Variants in RASA3 observed in about 807,000 individuals in gnomAD.
The protein encoded by RASA3 is ras GTPase-activating protein 3.
Under a neutral mutation model 110.0 loss-of-function variants are expected in RASA3, and 73 were observed. That is an observed-to-expected ratio of 0.66 (90% confidence interval 0.55 to 0.81). The LOEUF is 0.81. Among genes scored for constraint, RASA3 ranks in the 30% least tolerant of loss-of-function variants. The pLI, the probability that RASA3 is intolerant of heterozygous loss-of-function variation, is 0.00. For synonymous variants in RASA3, 500 were observed against 451.4 expected (o/e 1.11, Z -1.37); for missense variants, 976 against 1,113.2 (o/e 0.88, Z 1.75).
intron 7 of RASA3, among the ~76,000 whole-genome samples, chr13:114,025,661 T>C (rs56203123): frequency 0.024 from 3,594 of 152,350 alleles, 140 homozygotes; most frequent in African/African-American, 0.081. Context: ...ACGTGTTGAG[T>C]GAATGAAGGC....
chr13:114,113,041 C>T (rs1302301825), intron 1 of RASA3, among the ~76,000 whole-genome samples: 13 of 152,134 alleles, frequency 8.5e-5, no homozygotes, highest in Admixed American at 6.5e-4. Flanking sequence ...CTGCCATGCA[C>T]GGGAAGCCTT....
chr13:114,009,304 T>C (rs2053581144), intron 17 of RASA3, 83 bp downstream of exon 17: 4 of 1,120,712 alleles, frequency 3.6e-6, no homozygotes, highest in South Asian at 2.5e-5. Context: ...GTCTGTGTCA[T>C]GTGGGTTCTA....
At position 114,059,287 on chromosome 13, in the gene RASA3, C is replaced by T. The variant is rs1184821861; in HGVS notation, c.174-7132G>A. Among the ~76,000 whole-genome samples, 5 of 152,196 alleles carry T rather than the reference C, an allele frequency of 3.3e-5. No homozygotes were observed. In the South Asian group the frequency reaches 1.0e-3, roughly 32 times the overall value. On this transcript the variant is annotated intron_variant, in intron 2 of 23. Coordinates refer to ENST00000334062, the MANE Select transcript of RASA3 (RefSeq NM_007368.4). ...AGCACAGTCCCCAGGTGCAGCTGCT[C>T]CCCCCAACCTAATTCAGGCCCTGGT...
chr13:114,013,428 T>A (rs1216581092), intron 14 of RASA3, among the ~76,000 whole-genome samples, 180 bp from the exon 15 acceptor site: 2 of 115,180 alleles, frequency 1.7e-5, no homozygotes, highest in Non-Finnish European at 3.7e-5. Flanking sequence ...TGTTTCCCTC[T>A]CTCTCTCCAT....
chr13:114,066,667 C>G (rs2079456595), intron 2 of RASA3, among the ~76,000 whole-genome samples: 1 of 152,236 alleles, frequency 6.6e-6, no homozygotes, highest in African/African-American at 2.4e-5. Context: ...TCTCCGCCGG[C>G]TGAGTTCCTG....
chr13:114,100,617 T>C lies in RASA3; in HGVS notation c.56-26780A>G, dbSNP rs370588033. ...CCCTAGCAGTTGGGAAGAAGGCGGC[T>C]GACGTGGCTTCCATGGAAAATGCCA... On this transcript the variant is annotated intron_variant, in intron 1 of 23. Coordinates refer to ENST00000334062, the MANE Select transcript of RASA3 (RefSeq NM_007368.4). Among the ~76,000 whole-genome samples the C allele has an allele frequency of 3.5e-4, 53 of 152,326 alleles. No individual in the cohort carries two copies. In the East Asian group the frequency reaches 9.3e-3, roughly 27 times the overall value.
intron 13 of RASA3, 117 bp downstream of exon 13, chr13:114,016,080 C>G: frequency 5.8e-6 from 5 of 867,922 alleles, no homozygotes; most frequent in Non-Finnish European, 9.4e-6. Flanking sequence ...ATCCCCACGC[C>G]TGGTCCTGCT....
intron 13 of RASA3, among the ~76,000 whole-genome samples, 170 bp from the exon 14 acceptor site, chr13:114,015,502 G>A (rs1234107805): frequency 6.6e-6 from 1 of 152,236 alleles, no homozygotes; most frequent in African/African-American, 2.4e-5. Flanking sequence ...TGTGCTGGGA[G>A]CTGTGGCAAT....
intron 16 of RASA3, among the ~76,000 whole-genome samples, chr13:114,010,065 A>G (rs2053599048): frequency 1.3e-5 from 2 of 151,876 alleles, no homozygotes; most frequent in East Asian, 3.9e-4. Flanking sequence ...AGGAGGCTCA[A>G]GTGCCTGTTA....
Position 114,056,820 on chromosome 13 carries a change from GTTTA to G in RASA3, c.174-4669_174-4666del, listed in dbSNP as rs2079253278. On this transcript the variant is annotated intron_variant, in intron 2 of 23. Coordinates refer to ENST00000334062, the MANE Select transcript of RASA3 (RefSeq NM_007368.4). This position sits in a 1 kb window ranked among gnomAD's most constrained non-coding sequence, Gnocchi z 5.7. ...GTGCCCCTTTCTAAATGTAAAAGCG[GTTTA>G]TAGCAACACAGCATGGCCCTGCTGC... The G allele has an allele frequency of 2.4e-6, 1 of 424,668 alleles. No homozygotes were observed. Among genetic ancestry groups the G allele is most frequent in the Non-Finnish European group, 3.2e-6 (1 of 317,222 alleles). The allele number at this position is 424,668 out of a possible 1,614,324, so 26.3% of individuals were successfully genotyped here.
chr13:114,122,233 C>T (rs1488679113), intron 1 of RASA3, among the ~76,000 whole-genome samples: 1 of 152,240 alleles, frequency 6.6e-6, no homozygotes, highest in Non-Finnish European at 1.5e-5. Flanking sequence ...GAAGGCTGAG[C>T]TTGGCACCTA....
At chr13:114,015,786 C>T (rs2053777337) in intron 13 of RASA3, among the ~76,000 whole-genome samples, 1 of 152,052 alleles carries the variant, frequency 6.6e-6, no homozygotes, top group African/African-American at 2.4e-5. Context: ...GGGAGGCCAT[C>T]CTGTCCTAGG....
At chr13:114,021,366 C>G (rs1438216972) in intron 9 of RASA3, 38 bp downstream of exon 9, 36 of 1,582,868 alleles carry the variant, frequency 2.3e-5, no homozygotes, top group Non-Finnish European at 2.9e-5. Flanking sequence ...TTGTGGCTCT[C>G]AGAGATGCGG....
In RASA3 at chr13:114,114,056, C is replaced by T. The variant is rs1391015638; in HGVS notation, c.55+18379G>A. ...AGTGATGTCCGTATAGCTCACACCG[C>T]ATCCATCAATCCACCCACCACAGCA... On this transcript the variant is annotated intron_variant, in intron 1 of 23. Transcript: ENST00000334062. This position sits in a 1 kb window ranked among gnomAD's most constrained non-coding sequence, Gnocchi z 4.8. Among the ~76,000 whole-genome samples, 1 of 152,016 alleles carries T rather than the reference C, an allele frequency of 6.6e-6. No homozygotes were observed. The highest frequency in any genetic ancestry group is 2.4e-5 in the African/African-American group (1 of 41,274).
At chr13:114,052,448 G>T (rs1287570115) in intron 2 of RASA3, among the ~76,000 whole-genome samples, 1 of 152,198 alleles carries the variant, frequency 6.6e-6, no homozygotes, top group African/African-American at 2.4e-5. Flanking sequence ...TGACTTCCAT[G>T]CTACGTGCTC....
rs772779647 is a variant in RASA3 at position 114,015,197 on chromosome 13, C to G, written c.1405+12G>C. The G allele has an allele frequency of 1.2e-6, 2 of 1,612,594 alleles. No homozygotes were observed. Among genetic ancestry groups the G allele is most frequent in the South Asian group, 2.2e-5 (2 of 91,078 alleles). ...AGTTTCTCAGCAACATGAGGGTGTTCAGGGCACTCACCCTGGAAGCGCTTG... is the reference window on the plus strand; with the variant it reads ...AGTTTCTCAGCAACATGAGGGTGTTGAGGGCACTCACCCTGGAAGCGCTTG... On this transcript the variant is annotated intron_variant, in intron 14 of 23. Transcript: ENST00000334062.
intron 13 of RASA3, 89 bp from the exon 14 acceptor site, chr13:114,015,421 G>T: frequency 3.2e-6 from 5 of 1,553,712 alleles, no homozygotes; most frequent in Non-Finnish European, 4.4e-6. Flanking sequence ...GGGCGCGTGG[G>T]GAGGGGCTGA....
chr13:114,013,027 C>T (rs2053674976), intron 15 of RASA3, 115 bp downstream of exon 15: 1 of 770,178 alleles, frequency 1.3e-6, no homozygotes, highest in South Asian at 1.8e-5. Flanking sequence ...CTCACACACT[C>T]CCCACGCATT....
At chr13:114,087,528 C>CG (rs2079837120) in intron 1 of RASA3, among the ~76,000 whole-genome samples, 1 of 152,198 alleles carries the variant, frequency 6.6e-6, no homozygotes, top group African/African-American at 2.4e-5. Flanking sequence ...GGCGGGATTG[C>CG]GGGGGCACCT....
Sources: allele counts gnomAD v4.1 joint callset (sites outside exome capture counted in the v4.1 genomes callset), GRCh38; gene constraint gnomAD v4.1.1; non-coding constraint Gnocchi (gnomAD v3.1); transcripts MANE v1.5; gene names NCBI Gene and HGNC (gene_info 2026-07-23, HGNC 2026-07-21).